Variants in EDIL3 observed in about 807,000 individuals in gnomAD.
The protein encoded by EDIL3 is EGF like and discoidin domains 3.
In EDIL3, 37 loss-of-function variants were observed where a neutral mutation model predicts 67.4. That is an observed-to-expected ratio of 0.55 (90% CI 0.42 to 0.72). The LOEUF (loss-of-function observed/expected upper bound fraction) is 0.72. Among genes scored for constraint, EDIL3 ranks in the 30% least tolerant of loss-of-function variants. The pLI, the probability that EDIL3 is intolerant of heterozygous loss-of-function variation, is 0.00. For missense variants in EDIL3, 527 were observed against 586.3 expected, an observed-to-expected ratio of 0.90 and a Z score of 1.04; for synonymous variants, 195 against 196.3, an observed-to-expected ratio of 0.99 and a Z score of 0.05.
chr5:84,128,691 A>G (rs1747910249), intron 5 of EDIL3, among the ~76,000 whole-genome samples: 1 of 152,160 alleles, frequency 6.6e-6, no homozygotes, highest in African/African-American at 2.4e-5. Context: ...ATATTTTTCA[A>G]TCATCCACTA....
At chr5:83,966,314 C>T (rs533021923) in intron 9 of EDIL3, among the ~76,000 whole-genome samples, 1 of 152,140 alleles carries the variant, frequency 6.6e-6, no homozygotes, top group African/African-American at 2.4e-5. Context: ...GCTCAACAAA[C>T]GTTTTGCTGA....
At chr5:84,024,182 T>C (rs572465879) in intron 9 of EDIL3, among the ~76,000 whole-genome samples, 19 of 152,304 alleles carry the variant, frequency 1.2e-4, no homozygotes, top group African/African-American at 4.1e-4. Context: ...AGCAGACCAT[T>C]CATAGAAAAT....
intron 3 of EDIL3, among the ~76,000 whole-genome samples, chr5:84,195,825 G>T (rs1408838704): frequency 6.6e-6 from 1 of 151,974 alleles, no homozygotes; most frequent in Non-Finnish European, 1.5e-5. Context: ...GAATTTTGAA[G>T]AAGATTTATG....
At chr5:83,946,335 C>T (rs1284535996) in intron 10 of EDIL3, among the ~76,000 whole-genome samples, 2 of 151,908 alleles carry the variant, frequency 1.3e-5, no homozygotes, top group South Asian at 2.1e-4. Context: ...TATATTCAAA[C>T]ATGATATTGC....
chr5:84,204,872 T>C (rs1292162292), intron 3 of EDIL3, among the ~76,000 whole-genome samples: 3 of 151,500 alleles, frequency 2.0e-5, no homozygotes, highest in Admixed American at 1.3e-4. Context: ...TTTTTAAATG[T>C]AATGTTTCCT....
At chr5:84,003,442 G>A (rs928300596) in intron 9 of EDIL3, among the ~76,000 whole-genome samples, 5 of 152,080 alleles carry the variant, frequency 3.3e-5, no homozygotes, top group African/African-American at 1.2e-4. Context: ...CAAGTGAGAG[G>A]GAAGCTCACA....
At chr5:84,363,942 CTATA>C (rs1238556433) in intron 1 of EDIL3, among the ~76,000 whole-genome samples, 1 of 152,100 alleles carries the variant, frequency 6.6e-6, no homozygotes, top group Non-Finnish European at 1.5e-5. Context: ...AAATCACTGA[CTATA>C]TATCAGGTTT....
chr5:84,340,530 CTCTCTA>C (rs1413918133), intron 1 of EDIL3, among the ~76,000 whole-genome samples: 162 of 69,768 alleles, frequency 2.3e-3, no homozygotes, highest in Non-Finnish European at 3.0e-3. Flanking sequence ...CTCTCTCTCT[CTCTCTA>C]TATATATATA....
intron 10 of EDIL3, among the ~76,000 whole-genome samples, chr5:83,952,028 T>C (rs1245032716): frequency 1.3e-5 from 2 of 151,630 alleles, no homozygotes; most frequent in African/African-American, 4.8e-5. Context: ...TGGGGCAGAG[T>C]GGCCATCTCC....
chr5:84,339,767 G>A (rs1164208017), intron 1 of EDIL3, among the ~76,000 whole-genome samples: 2 of 152,000 alleles, frequency 1.3e-5, no homozygotes, highest in Non-Finnish European at 2.9e-5. Flanking sequence ...TAAGTAGAGG[G>A]ACTTCTAACT....
chr5:84,033,507 C>T (rs892493563), intron 9 of EDIL3, among the ~76,000 whole-genome samples: 1 of 151,892 alleles, frequency 6.6e-6, no homozygotes, highest in African/African-American at 2.4e-5. Context: ...CTCAGGAGTT[C>T]AAGACCAGCA....
At chr5:84,352,637 ATGG>A (rs1747383862) in intron 1 of EDIL3, among the ~76,000 whole-genome samples, 1 of 152,086 alleles carries the variant, frequency 6.6e-6, no homozygotes, top group Non-Finnish European at 1.5e-5. Flanking sequence ...GAGATTCCAA[ATGG>A]TGGGAGGGTA....
chr5:84,184,463 A>G (rs908464942), intron 3 of EDIL3, among the ~76,000 whole-genome samples: 1 of 152,198 alleles, frequency 6.6e-6, no homozygotes, highest in African/African-American at 2.4e-5. Context: ...AGAAATTGTG[A>G]TGTCCAAAAT....
chr5:84,346,089 C>T (rs1021581453), intron 1 of EDIL3, among the ~76,000 whole-genome samples: 14 of 148,866 alleles, frequency 9.4e-5, no homozygotes, highest in African/African-American at 3.4e-4. Flanking sequence ...TATTTCTACT[C>T]TTTTCCCTTA....
At chr5:84,244,713 C>A (rs1156421964) in intron 2 of EDIL3, among the ~76,000 whole-genome samples, 1 of 152,138 alleles carries the variant, frequency 6.6e-6, no homozygotes, top group East Asian at 1.9e-4. Context: ...TAGCCCTTTA[C>A]TTTCTTTGTC....
intron 9 of EDIL3, among the ~76,000 whole-genome samples, chr5:84,053,696 T>C (rs1580301688): frequency 6.6e-6 from 1 of 151,570 alleles, no homozygotes; most frequent in South Asian, 2.1e-4. Flanking sequence ...GCAAATAAAC[T>C]AGAAAATCTA....
chr5:84,321,971 A>G (rs1746657550), intron 1 of EDIL3, among the ~76,000 whole-genome samples: 1 of 152,100 alleles, frequency 6.6e-6, no homozygotes, highest in African/African-American at 2.4e-5. Flanking sequence ...AGGAAAAGGC[A>G]CAGATTCAGA....
intron 9 of EDIL3, among the ~76,000 whole-genome samples, chr5:84,038,821 A>C (rs1746069292): frequency 6.6e-6 from 1 of 152,346 alleles, no homozygotes; most frequent in South Asian, 2.1e-4. Context: ...ACAGAGCCAC[A>C]TGATTTTGGA....
intron 5 of EDIL3, among the ~76,000 whole-genome samples, chr5:84,112,281 A>G (rs754440019): frequency 2.6e-5 from 4 of 152,174 alleles, no homozygotes; most frequent in Admixed American, 2.0e-4. Context: ...ACAGTTGTCC[A>G]TGTGAAAAAT....
Sources: allele counts gnomAD v4.1 joint callset (sites outside exome capture counted in the v4.1 genomes callset), GRCh38; gene constraint gnomAD v4.1.1; transcripts MANE v1.5; gene names NCBI Gene and HGNC (gene_info 2026-07-23, HGNC 2026-07-21).